CDH12: variants seen among roughly 807,000 people sequenced by gnomAD.
CDH12 encodes cadherin-12.
Under a neutral mutation model 74.1 loss-of-function variants are expected in CDH12, and 41 were observed. That is an observed-to-expected ratio of 0.55 (90% CI 0.43 to 0.72). The LOEUF (loss-of-function observed/expected upper bound fraction) is 0.72, where lower values mean the gene tolerates loss of function less well. Ranked by LOEUF, CDH12 falls within the 30% of genes least tolerant of loss-of-function variation. The probability of loss-of-function intolerance (pLI) is 0.00; values close to 1 mark genes in which losing one functional copy is unlikely to be tolerated. For missense variants in CDH12, 945 were observed against 977.2 expected (o/e 0.97, Z 0.44); for synonymous variants, 399 against 355.0 (o/e 1.12, Z -1.39).
At chr5:22,300,909 G>A (rs971053876) in intron 3 of CDH12, among the ~76,000 whole-genome samples, 1 of 152,072 alleles carries the variant, frequency 6.6e-6, no homozygotes, top group African/African-American at 2.4e-5. Flanking sequence ...AGCTAAATAC[G>A]AATGCATTCA....
At chr5:22,146,069 C>T (rs914816033) in intron 4 of CDH12, among the ~76,000 whole-genome samples, 3 of 151,960 alleles carry the variant, frequency 2.0e-5, no homozygotes, top group Non-Finnish European at 2.9e-5. Flanking sequence ...GCTGTAAGCA[C>T]TTAATTGTAA....
chr5:22,636,894 A>T (rs1008452173), intron 1 of CDH12, among the ~76,000 whole-genome samples: 9 of 152,340 alleles, frequency 5.9e-5, no homozygotes, highest in African/African-American at 2.2e-4. Flanking sequence ...AACATTGAAG[A>T]GGACAAGTTG....
At chr5:22,428,667 C>A (rs1162370262) in intron 2 of CDH12, among the ~76,000 whole-genome samples, 1 of 152,116 alleles carries the variant, frequency 6.6e-6, no homozygotes, top group East Asian at 1.9e-4. Flanking sequence ...GGGTCCAACA[C>A]CAGAGGCATT....
At chr5:22,775,669 T>G (rs751729948) in intron 1 of CDH12, among the ~76,000 whole-genome samples, 5 of 152,016 alleles carry the variant, frequency 3.3e-5, no homozygotes, top group Non-Finnish European at 5.9e-5. Flanking sequence ...CTGTAGAAAG[T>G]TGGAAAGAGA....
rs79545481 is a variant in CDH12, at chr5:22,371,537, G to A, written c.-333+33720C>T. Among the ~76,000 whole-genome samples the A allele has an allele frequency of 1.2e-3, 179 of 152,222 alleles. 4 individuals carry two copies. The East Asian group carries it at 0.033, about 28-fold the overall frequency. ...ACTGAGTTTACATTGGATCCTCCAA[G>A]TATTCCTATCTTTTATATTATTATT... is the stretch of plus-strand genomic sequence containing the variant. On this transcript the variant is annotated intron_variant, in intron 3 of 14. Transcript: ENST00000382254.
chr5:22,628,779 A>G (rs1738428909), intron 1 of CDH12, among the ~76,000 whole-genome samples: 1 of 152,102 alleles, frequency 6.6e-6, no homozygotes, highest in Admixed American at 6.6e-5. Context: ...TGAGATGTAA[A>G]AAACTTACAA....
chr5:22,066,665 C>T (rs1561075234), intron 5 of CDH12, among the ~76,000 whole-genome samples: 2 of 152,104 alleles, frequency 1.3e-5, no homozygotes, highest in Non-Finnish European at 1.5e-5. Context: ...GAGGGAAAGT[C>T]CAAGGGGATA....
intron 1 of CDH12, among the ~76,000 whole-genome samples, chr5:22,555,665 A>AT (rs974084249): frequency 1.3e-5 from 2 of 152,040 alleles, no homozygotes; most frequent in African/African-American, 2.4e-5. Flanking sequence ...TCAATCATTG[A>AT]TTTTTATAGA....
intron 6 of CDH12, among the ~76,000 whole-genome samples, chr5:21,946,417 C>T (rs1755581386): frequency 6.6e-6 from 1 of 152,026 alleles, no homozygotes; most frequent in Non-Finnish European, 1.5e-5. Flanking sequence ...AAATTAGTGA[C>T]CTACCTGGTT....
chr5:22,130,837 T>A (rs1013741309), intron 4 of CDH12, among the ~76,000 whole-genome samples: 20 of 152,068 alleles, frequency 1.3e-4, no homozygotes, highest in African/African-American at 4.1e-4. Context: ...TCACATGCCC[T>A]CACCATCTCA....
intron 11 of CDH12, among the ~76,000 whole-genome samples, chr5:21,775,867 TTC>T (rs1278003423): frequency 6.6e-6 from 1 of 152,102 alleles, no homozygotes; most frequent in Non-Finnish European, 1.5e-5. Context: ...TTCTAATTTT[TTC>T]TCTTTTTTCA....
intron 8 of CDH12, among the ~76,000 whole-genome samples, chr5:21,832,896 C>G (rs57214064): frequency 8.8e-5 from 5 of 56,708 alleles, no homozygotes; most frequent in Admixed American, 7.9e-4. Flanking sequence ...TAATATATAT[C>G]ATATAATATA....
intron 1 of CDH12, among the ~76,000 whole-genome samples, chr5:22,717,381 C>T (rs372776361): frequency 2.6e-5 from 4 of 152,126 alleles, no homozygotes; most frequent in African/African-American, 9.7e-5. Flanking sequence ...GTAGGAGCAA[C>T]AGACTATACC....
At chr5:22,056,944 A>G (rs1740784152) in intron 5 of CDH12, among the ~76,000 whole-genome samples, 1 of 152,072 alleles carries the variant, frequency 6.6e-6, no homozygotes, top group Non-Finnish European at 1.5e-5. Context: ...GACAACCAAC[A>G]TCTCCCCTAA....
chr5:22,311,971 C>G (rs955108623), intron 3 of CDH12, among the ~76,000 whole-genome samples: 5 of 151,340 alleles, frequency 3.3e-5, no homozygotes, highest in Admixed American at 6.6e-5. Flanking sequence ...TGATGTGTCC[C>G]CAAAACTATT....
chr5:21,880,707 T>C (rs527349283), intron 6 of CDH12, among the ~76,000 whole-genome samples: 1 of 148,622 alleles, frequency 6.7e-6, no homozygotes, highest in South Asian at 2.1e-4. Context: ...TCTCCTTCCT[T>C]CCTTCCTTTC....
intron 4 of CDH12, among the ~76,000 whole-genome samples, chr5:22,183,895 C>G (rs186645908): frequency 2.0e-4 from 31 of 152,186 alleles, no homozygotes; most frequent in Middle Eastern, 3.4e-3. Context: ...AGAGACTTGA[C>G]AGTTAGAAAG....
chr5:22,049,504 C>T (rs546206272), intron 5 of CDH12, among the ~76,000 whole-genome samples: 2 of 151,984 alleles, frequency 1.3e-5, no homozygotes, highest in African/African-American at 4.8e-5. Flanking sequence ...AGTTCAGCAG[C>T]CTTTGATTTT....
intron 1 of CDH12, among the ~76,000 whole-genome samples, chr5:22,524,663 T>C (rs1390932792): frequency 6.6e-6 from 1 of 152,226 alleles, no homozygotes; most frequent in Non-Finnish European, 1.5e-5. Flanking sequence ...TCAGTTGGAA[T>C]AGACCATGCT....
Sources: allele counts gnomAD v4.1 joint callset (sites outside exome capture counted in the v4.1 genomes callset), GRCh38; gene constraint gnomAD v4.1.1; transcripts MANE v1.5; gene names NCBI Gene and HGNC (gene_info 2026-07-23, HGNC 2026-07-21).